The following EPB41L5 variants were observed in gnomAD, a reference collection of about 807,000 sequenced individuals.
EPB41L5 encodes band 4.1-like protein 5.
A neutral mutation model predicts 106.6 loss-of-function variants in EPB41L5; 55 were observed. The ratio of observed to expected loss-of-function variants is 0.52; its 90% CI spans 0.42 to 0.65. EPB41L5 has a LOEUF of 0.65. Ranked by LOEUF, EPB41L5 falls within the 30% of genes least tolerant of loss-of-function variation. EPB41L5 has a pLI of 0.00. For missense variants in EPB41L5, 871 were observed against 882.1 expected (o/e 0.99, Z 0.16); for synonymous variants, 297 against 306.7 (o/e 0.97, Z 0.33).
At chr2:120,015,644 A>G (rs1417011054) in intron 1 of EPB41L5, among the ~76,000 whole-genome samples, 1 of 151,890 alleles carries the variant, frequency 6.6e-6, no homozygotes, top group Non-Finnish European at 1.5e-5. Flanking sequence ...TTTATTTAAA[A>G]CAACTGTATT....
At chr2:120,045,804 A>G (rs141584374) in intron 3 of EPB41L5, among the ~76,000 whole-genome samples, 3,277 of 151,396 alleles carry the variant, frequency 0.022, 118 homozygotes, top group African/African-American at 0.074. Flanking sequence ...TCCTAATGCT[A>G]TCCCTCCCCC....
intron 3 of EPB41L5, among the ~76,000 whole-genome samples, chr2:120,062,770 A>T (rs1159918804): frequency 2.0e-5 from 3 of 152,144 alleles, no homozygotes; most frequent in Non-Finnish European, 2.9e-5. Flanking sequence ...CCTCAGAAAA[A>T]TCTCCTGTGA....
At chr2:120,083,756 A>T (rs1410350108) in intron 10 of EPB41L5, among the ~76,000 whole-genome samples, 1 of 152,156 alleles carries the variant, frequency 6.6e-6, no homozygotes, top group Non-Finnish European at 1.5e-5. Flanking sequence ...TAGGTCTCTA[A>T]GCACTTGCTT....
At chr2:120,083,845 C>T (rs1682867297) in intron 10 of EPB41L5, among the ~76,000 whole-genome samples, 1 of 152,134 alleles carries the variant, frequency 6.6e-6, no homozygotes, top group African/African-American at 2.4e-5. Flanking sequence ...ATCTCTTTAC[C>T]ATTATGTAAT....
intron 16 of EPB41L5, among the ~76,000 whole-genome samples, chr2:120,112,708 G>T (rs1684776364): frequency 6.6e-6 from 1 of 152,164 alleles, no homozygotes; most frequent in South Asian, 2.1e-4. Flanking sequence ...GATGAATCAG[G>T]TTTGAGTAAA....
chr2:120,142,971 A>G (rs762551565), intron 18 of EPB41L5, 32 bp from the exon 19 acceptor site: 74 of 1,576,082 alleles, frequency 4.7e-5, no homozygotes, highest in Non-Finnish European at 5.9e-5. Context: ...AGTGCATCAG[A>G]GTTGATTATA....
intron 2 of EPB41L5, among the ~76,000 whole-genome samples, chr2:120,019,976 G>T (rs538637875): frequency 2.6e-4 from 39 of 152,150 alleles, no homozygotes; most frequent in African/African-American, 8.4e-4. Flanking sequence ...GTTTGAAAGG[G>T]GTTAGCTTAT....
intron 16 of EPB41L5, among the ~76,000 whole-genome samples, chr2:120,120,311 A>G (rs1685152100): frequency 6.6e-6 from 1 of 151,888 alleles, no homozygotes; most frequent in African/African-American, 2.4e-5. Context: ...ACGTGGCTGT[A>G]GTCCCGGCTA....
chr2:120,135,888 A>C (rs192212300), intron 18 of EPB41L5, among the ~76,000 whole-genome samples: 118 of 152,246 alleles, frequency 7.8e-4, no homozygotes, highest in African/African-American at 2.5e-3. Context: ...CAATAAGATA[A>C]TCATCTGATG....
intron 10 of EPB41L5, among the ~76,000 whole-genome samples, chr2:120,084,375 C>T (rs1245638699): frequency 6.6e-6 from 1 of 152,142 alleles, no homozygotes; most frequent in East Asian, 1.9e-4. Context: ...ATTTCTCCTT[C>T]ACTTATGAAG....
At chr2:120,073,922 T>TCTGTTACTCACCTCACCAAGTA (rs1480393615) in intron 4 of EPB41L5, among the ~76,000 whole-genome samples, 178 bp from the exon 5 acceptor site, 1 of 152,164 alleles carries the variant, frequency 6.6e-6, no homozygotes, top group East Asian at 1.9e-4. Context: ...TTAATAGTAA[T>TCTGTTACTCACCTCACCAAGTA]ATGATGGCTT....
In EPB41L5 at chr2:120,137,464, G is replaced by A. The variant is rs1264499123; in HGVS notation, c.1600-5539G>A. 2.0e-5 allele frequency among the ~76,000 whole-genome samples: 3 copies of A among 151,920 alleles called. No individual in the cohort carries two copies. In the East Asian group the frequency reaches 5.8e-4, roughly 29 times the overall value. On this transcript the variant is annotated intron_variant, in intron 18 of 24. Transcript: ENST00000263713. ...GATAAACAAAATGGACAAACCTTTG[G>A]CCAGATTAAGAAAAAAGAGAAGACT...
chr2:120,176,010 T>G lies in EPB41L5; in HGVS notation c.*1103T>G, dbSNP rs1460363947. On this transcript the variant is annotated 3_prime_UTR_variant, in exon 25 of 25. Transcript: ENST00000263713. ...CCTGCATTGCACTAGGAATTCTGTG[T>G]TAGTTTAAAAGAGATCTCTAAAACT... is the stretch of plus-strand genomic sequence containing the variant. 3 of 152,566 alleles carry G rather than the reference T, an allele frequency of 2.0e-5. No homozygotes were observed. Among genetic ancestry groups the G allele is most frequent in the African/African-American group, 7.2e-5 (3 of 41,446 alleles). The allele number at this position is 152,566 out of a possible 1,614,324, so 9.5% of individuals were successfully genotyped here.
intron 3 of EPB41L5, among the ~76,000 whole-genome samples, chr2:120,057,487 C>G (rs1222846379): frequency 2.6e-5 from 4 of 152,150 alleles, no homozygotes; most frequent in African/African-American, 9.7e-5. Flanking sequence ...CAGATATCCC[C>G]CAAGCCCAAC....
intron 20 of EPB41L5, chr2:120,160,652 C>CA (rs1004039088): frequency 2.1e-6 from 1 of 486,822 alleles, no homozygotes. Context: ...TATGGGTCCT[C>CA]ACCAGCATCT....
intron 16 of EPB41L5, among the ~76,000 whole-genome samples, chr2:120,119,569 C>T (rs1218784983): frequency 6.6e-6 from 1 of 151,912 alleles, no homozygotes; most frequent in Non-Finnish European, 1.5e-5. Context: ...AGTTTTCTGC[C>T]TATAGCTAGG....
intron 1 of EPB41L5, among the ~76,000 whole-genome samples, chr2:120,014,551 A>C (rs1322045212): frequency 6.6e-6 from 1 of 152,224 alleles, no homozygotes; most frequent in East Asian, 1.9e-4. Context: ...AAAGGCTAAG[A>C]GTACTGAAAG....
chr2:120,146,891 G>C (rs143011920), intron 20 of EPB41L5, among the ~76,000 whole-genome samples: 2 of 152,232 alleles, frequency 1.3e-5, no homozygotes, highest in African/African-American at 4.8e-5. Context: ...TTCAGTCAAG[G>C]AATATGATTG....
chr2:120,123,646 CTTTTTTTTTTTTTTTTTTT>C (rs869296989), intron 16 of EPB41L5, among the ~76,000 whole-genome samples: 2 of 68,304 alleles, frequency 2.9e-5, no homozygotes, highest in Admixed American at 2.1e-4. Flanking sequence ...GTGTTCGTCC[CTTTTTTTTTTTTTTTTTTT>C]TTTTTTTTTG....
Sources: allele counts gnomAD v4.1 joint callset (sites outside exome capture counted in the v4.1 genomes callset), GRCh38; gene constraint gnomAD v4.1.1; transcripts MANE v1.5; gene names NCBI Gene and HGNC (gene_info 2026-07-23, HGNC 2026-07-21).